Variants in GPR137 observed in about 807,000 individuals in gnomAD.
GPR137 encodes integral membrane protein GPR137.
GPR137 carries 20 observed loss-of-function variants against 38.9 expected under a neutral mutation model. The observed-to-expected ratio is 0.51, with a 90% CI of 0.36 to 0.75. The LOEUF (loss-of-function observed/expected upper bound fraction) is 0.75. Among genes scored for constraint, GPR137 ranks in the 30% least tolerant of loss-of-function variants. GPR137 has a pLI of 0.00. For synonymous variants in GPR137, 226 were observed against 235.8 expected, an observed-to-expected ratio of 0.96 and a Z score of 0.38; for missense variants, 456 against 526.4, an observed-to-expected ratio of 0.87 and a Z score of 1.31.
upstream of GPR137, among the ~76,000 whole-genome samples, chr11:64,283,501 C>T (rs1287049806): frequency 6.6e-6 from 1 of 152,232 alleles, no homozygotes; most frequent in Non-Finnish European, 1.5e-5. Context: ...CCCACACAGC[C>T]CTGCTGTCTG....
At chr11:64,276,988 T>G (rs1439393254) in intron 2 of GPR137, 1 of 727,682 alleles carries the variant, frequency 1.4e-6, no homozygotes, top group Admixed American at 2.0e-5. Context: ...CGAGCATCCC[T>G]GCACTGGGAT....
At chr11:64,270,848 G>C (rs915901112), upstream of GPR137, among the ~76,000 whole-genome samples, 2 of 151,878 alleles carry the variant, frequency 1.3e-5, no homozygotes, top group Admixed American at 6.6e-5. Context: ...GGGAACCCAG[G>C]AGCTTTGGCC....
At chr11:64,277,478 C>G (rs1158502477) in intron 2 of GPR137, among the ~76,000 whole-genome samples, 2 of 152,222 alleles carry the variant, frequency 1.3e-5, no homozygotes, top group East Asian at 3.8e-4. Context: ...CTCTCTGTCA[C>G]CCAGACTGGA....
At chr11:64,284,437 GCAGAGGCAGGTA>G, upstream of GPR137, 1 of 1,604,998 alleles carries the variant, frequency 6.2e-7, no homozygotes, top group Non-Finnish European at 8.5e-7. Flanking sequence ...GCCCTGGAAG[GCAGAGGCAGGTA>G]CCCCTGGCTT....
chr11:64,279,281 G>A (rs1306825054), intron 2 of GPR137, among the ~76,000 whole-genome samples: 1 of 152,112 alleles, frequency 6.6e-6, no homozygotes, highest in African/African-American at 2.4e-5. Flanking sequence ...CAACGATGCT[G>A]CGGCTTCCCA....
chr11:64,289,403 C>T lies in GPR137; in HGVS notation c.*207C>T. 1 of 1,542,396 alleles carries T rather than the reference C, an allele frequency of 6.5e-7. No homozygotes were observed. Among genetic ancestry groups the T allele is most frequent in the South Asian group, 1.3e-5 (1 of 78,746 alleles). On this transcript the variant is annotated 3_prime_UTR_variant, in exon 7 of 7. Coordinates refer to ENST00000438980, the MANE Select transcript of GPR137 (RefSeq NM_001170880.2). ...GGCCCTGGCTGCCAGATGCCCACAG[C>T]ACCCTGGCATGACCTGCCACCTCTG...
chr11:64,286,717 CTCTG>C lies in GPR137; in HGVS notation c.198_201del (p.Leu67SerfsTer43), dbSNP rs2135183214. 1 of 1,613,792 alleles carries C rather than the reference CTCTG, an allele frequency of 6.2e-7. No homozygotes were observed. Among genetic ancestry groups the C allele is most frequent in the Non-Finnish European group, 8.5e-7 (1 of 1,179,810 alleles). On this transcript the variant is annotated frameshift_variant, in exon 1 of 7. Coordinates refer to ENST00000438980, the MANE Select transcript of GPR137 (RefSeq NM_001170880.2). LOFTEE classifies it high-confidence loss of function. ...CAGCTATCAGACGGTGTTCCTGGCC[CTCTG>C]TCTGCTCTGGGCCGCCTTGCGTACC... is the stretch of plus-strand genomic sequence containing the variant.
At chr11:64,280,593 C>T (rs1446417265), upstream of GPR137, among the ~76,000 whole-genome samples, 7 of 150,830 alleles carry the variant, frequency 4.6e-5, no homozygotes, top group African/African-American at 1.2e-4. Flanking sequence ...CCTCGTGATC[C>T]GCCCGCCTCG....
At chr11:64,282,433 C>T (rs1414560947), upstream of GPR137, among the ~76,000 whole-genome samples, 2 of 152,044 alleles carry the variant, frequency 1.3e-5, no homozygotes, top group Non-Finnish European at 2.9e-5. Context: ...AAGACCCCAC[C>T]TCTACAAAAA....
intron 2 of GPR137, among the ~76,000 whole-genome samples, chr11:64,278,131 TTAAAA>T (rs2033190965): frequency 6.6e-6 from 1 of 151,902 alleles, no homozygotes; most frequent in Non-Finnish European, 1.5e-5. Flanking sequence ...TCTACAAAAA[TTAAAA>T]TAAAAAAATT....
chr11:64,289,450 C>T lies in GPR137; in HGVS notation c.*254C>T. The stretch of plus-strand genomic sequence containing the variant: ...TCTGCTTCCACACCGGAGCCAGCTA[C>T]CTCTCCTGTGCCTGCCACTCAATAA... On this transcript the variant is annotated 3_prime_UTR_variant, in exon 7 of 7. Coordinates refer to ENST00000438980, the MANE Select transcript of GPR137 (RefSeq NM_001170880.2). The T allele has an allele frequency of 6.6e-7, 1 of 1,509,478 alleles. No homozygotes were observed. Among genetic ancestry groups the T allele is most frequent in the South Asian group, 1.3e-5 (1 of 75,564 alleles). The allele number at this position is 1,509,478 out of a possible 1,614,324, so 93.5% of individuals were successfully genotyped here.
At chr11:64,285,352 G>T, upstream of GPR137, 1 of 985,264 alleles carries the variant, frequency 1.0e-6, no homozygotes, top group Non-Finnish European at 1.2e-6. Flanking sequence ...GGCCCGTGGG[G>T]GCTTCACGCC....
At chr11:64,285,730 C>G (rs903752507), upstream of GPR137, 2 of 985,252 alleles carry the variant, frequency 2.0e-6, no homozygotes, top group Non-Finnish European at 2.4e-6. Context: ...CGGCGCAGCT[C>G]GCGCCAATTC....
At chr11:64,277,157 G>A (rs1468558) in intron 2 of GPR137, 30,968 of 600,638 alleles carry the variant, frequency 0.052, 3,811 homozygotes, top group African/African-American at 0.33. Flanking sequence ...GTGAAGCTCT[G>A]CCATCAGGCA....
chr11:64,284,453 CT>C (rs1565353603), upstream of GPR137: 11 of 1,600,034 alleles, frequency 6.9e-6, no homozygotes, highest in African/African-American at 1.3e-5. Flanking sequence ...GCAGGTACCC[CT>C]GGCTTCCTCT....
chr11:64,287,086 C>T (rs2034175740), intron 2 of GPR137, 72 bp downstream of exon 2: 2 of 1,562,182 alleles, frequency 1.3e-6, no homozygotes, highest in African/African-American at 2.7e-5. Flanking sequence ...TAGATCCCTT[C>T]CCACCTCTCA....
chr11:64,280,688 G>A (rs1016159417), upstream of GPR137, among the ~76,000 whole-genome samples: 23 of 150,586 alleles, frequency 1.5e-4, no homozygotes, highest in Non-Finnish European at 2.7e-4. Flanking sequence ...TGTTTTTTGA[G>A]ACGGACTCTT....
rs2033978265 is a variant in GPR137, at chr11:64,286,052, G to A, written c.-473G>A. The A allele has an allele frequency of 1.0e-6, 1 of 988,452 alleles. No individual in the cohort carries two copies. The highest frequency in any genetic ancestry group is 1.1e-4 in the East Asian group (1 of 8,920). The allele number at this position is 988,452 out of a possible 1,614,324, so 61.2% of individuals were successfully genotyped here. On this transcript the variant is annotated 5_prime_UTR_variant, in exon 1 of 7. Coordinates refer to ENST00000438980, the MANE Select transcript of GPR137 (RefSeq NM_001170880.2). ...GCCCTCCCCATCCGCATTATTGGAG[G>A]AGAGAGAGCCTCCCCCAGCTTGGGG...
chr11:64,281,439 C>A (rs182456407), upstream of GPR137, among the ~76,000 whole-genome samples: 1 of 152,370 alleles, frequency 6.6e-6, no homozygotes, highest in African/African-American at 2.4e-5. Flanking sequence ...GACCATGCTG[C>A]CTCTGCTCAA....
Sources: gnomAD v4.1 joint callset for allele counts (sites outside exome capture counted in the v4.1 genomes callset) on GRCh38, gnomAD v4.1.1 for gene constraint, MANE v1.5 for transcripts, NCBI Gene and HGNC (gene_info 2026-07-23, HGNC 2026-07-21) for gene names.